Variants in SPECC1 observed in about 807,000 individuals in gnomAD.
The protein encoded by SPECC1 is cytospin-B.
Under a neutral mutation model 104.1 loss-of-function variants are expected in SPECC1, and 62 were observed. The ratio of observed to expected loss-of-function variants is 0.60; its 90% CI spans 0.49 to 0.74. The LOEUF is 0.74. Ranked by LOEUF, SPECC1 falls within the 30% of genes least tolerant of loss-of-function variation. The pLI is 0.00. For missense variants in SPECC1, 1,306 were observed against 1,310.5 expected, an observed-to-expected ratio of 1.00 and a Z score of 0.05; for synonymous variants, 513 against 501.6, an observed-to-expected ratio of 1.02 and a Z score of -0.30.
At chr17:20,035,857 G>C (rs1346109590) in intron 1 of SPECC1, among the ~76,000 whole-genome samples, 1 of 151,884 alleles carries the variant, frequency 6.6e-6, no homozygotes, top group East Asian at 1.9e-4. Context: ...TTTTGAGACG[G>C]AGTCTCGTTC....
rs530963146 is a variant in SPECC1 at position 20,312,422 on chromosome 17, G to A, written c.3118-1554G>A. Among the ~76,000 whole-genome samples, 4 of 152,306 alleles carry A rather than the reference G, an allele frequency of 2.6e-5. No individual in the cohort carries two copies. The South Asian group carries it at 6.2e-4, about 24-fold the overall frequency. ...GAAGTTCAAGCATGTAAGATTGTCTGCTCAAAACTGAATATTGATTGGACT... is the reference window on the plus strand; with the variant it reads ...GAAGTTCAAGCATGTAAGATTGTCTACTCAAAACTGAATATTGATTGGACT... On this transcript the variant is annotated intron_variant, in intron 14 of 14. Transcript: ENST00000395527.
intron 3 of SPECC1, among the ~76,000 whole-genome samples, chr17:20,115,030 A>G (rs2152528691): frequency 6.6e-6 from 1 of 152,362 alleles, no homozygotes; most frequent in East Asian, 1.9e-4. Flanking sequence ...CTCTGTAGAA[A>G]TAACCTAAAA....
intron 13 of SPECC1, among the ~76,000 whole-genome samples, chr17:20,301,911 G>A (rs1484172468): frequency 6.6e-6 from 1 of 152,152 alleles, no homozygotes; most frequent in Non-Finnish European, 1.5e-5. Flanking sequence ...TCATCATGTT[G>A]GTCAGGCTGG....
At chr17:20,283,985 A>G (rs938214245) in intron 12 of SPECC1, among the ~76,000 whole-genome samples, 1 of 152,224 alleles carries the variant, frequency 6.6e-6, no homozygotes, top group Non-Finnish European at 1.5e-5. Context: ...TCTTTAAGTC[A>G]GATTTCTTAA....
intron 3 of SPECC1, chr17:20,156,314 G>C: frequency 7.7e-7 from 1 of 1,295,788 alleles, no homozygotes; most frequent in Middle Eastern, 2.9e-4. Context: ...ACCGCCTCCG[G>C]CTCGCGGCGC....
At chr17:20,223,051 ATTGTAC>A (rs2037984279) in intron 4 of SPECC1, among the ~76,000 whole-genome samples, 1 of 151,992 alleles carries the variant, frequency 6.6e-6, no homozygotes, top group Non-Finnish European at 1.5e-5. Flanking sequence ...TCTATAACCT[ATTGTAC>A]TTGAGTATTA....
At chr17:20,031,900 C>G (rs910618539) in intron 1 of SPECC1, among the ~76,000 whole-genome samples, 8 of 152,090 alleles carry the variant, frequency 5.3e-5, no homozygotes, top group Non-Finnish European at 1.5e-5. Context: ...ATTTATTTGT[C>G]GATGGACCCT....
At chr17:20,263,674 A>T (rs2040113055) in intron 12 of SPECC1, among the ~76,000 whole-genome samples, 1 of 152,240 alleles carries the variant, frequency 6.6e-6, no homozygotes, top group African/African-American at 2.4e-5. Flanking sequence ...AAGAGCTGTC[A>T]TTCAAGAATG....
At chr17:20,253,455 A>G (rs772306032) in intron 9 of SPECC1, 50 bp from the exon 10 acceptor site, 9 of 1,577,420 alleles carry the variant, frequency 5.7e-6, no homozygotes, top group African/African-American at 1.3e-5. Flanking sequence ...TGTTTGTGCT[A>G]TTCTTGATGT....
At chr17:20,097,242 C>T (rs887405728) in intron 2 of SPECC1, among the ~76,000 whole-genome samples, 1 of 152,166 alleles carries the variant, frequency 6.6e-6, no homozygotes, top group Admixed American at 6.5e-5. Context: ...CTCCTCCCCC[C>T]ATCCCTTTGG....
At chr17:20,130,818 C>T (rs780625424) in intron 3 of SPECC1, among the ~76,000 whole-genome samples, 1 of 152,128 alleles carries the variant, frequency 6.6e-6, no homozygotes, top group African/African-American at 2.4e-5. Context: ...GGGGAGAATT[C>T]ACATGTTTTT....
intron 3 of SPECC1, among the ~76,000 whole-genome samples, chr17:20,195,962 ACTGG>A (rs1339951420): frequency 6.6e-6 from 1 of 152,146 alleles, no homozygotes. Context: ...ATGTCCACAC[ACTGG>A]CTATTTTAAT....
chr17:20,155,977 G>T, intron 3 of SPECC1: 3 of 1,263,324 alleles, frequency 2.4e-6, no homozygotes, highest in Non-Finnish European at 3.0e-6. Context: ...GGCGGGCCGC[G>T]AGGGCGGGCT....
chr17:20,215,428 C>G (rs1028366342), intron 4 of SPECC1, among the ~76,000 whole-genome samples: 1 of 152,172 alleles, frequency 6.6e-6, no homozygotes, highest in Non-Finnish European at 1.5e-5. Context: ...GACAGACTTA[C>G]ACAAGAGGCA....
intron 3 of SPECC1, among the ~76,000 whole-genome samples, chr17:20,153,031 C>A (rs1389977083): frequency 6.6e-6 from 1 of 152,182 alleles, no homozygotes; most frequent in East Asian, 1.9e-4. Flanking sequence ...CTCATTTAAC[C>A]TTAATTACCT....
intron 2 of SPECC1, among the ~76,000 whole-genome samples, chr17:20,106,689 C>T (rs964520214): frequency 2.6e-5 from 4 of 152,136 alleles, no homozygotes; most frequent in Non-Finnish European, 5.9e-5. Flanking sequence ...TGACTTTGCT[C>T]CTCCTTTGCT....
At chr17:20,199,140 G>T (rs572575465) in intron 3 of SPECC1, among the ~76,000 whole-genome samples, 2 of 134,778 alleles carry the variant, frequency 1.5e-5, no homozygotes, top group East Asian at 4.7e-4. Flanking sequence ...AGGCTGGAGT[G>T]CAGTAGTCTG....
chr17:20,048,467 G>A lies in SPECC1; in HGVS notation c.-22+39043G>A, dbSNP rs1450743564. ...GTCTTGATTCTTGTCATCTTCCCTCGATTTTGTTCAGCAAATTCCTGTCTC... is the reference window on the plus strand; with the variant it reads ...GTCTTGATTCTTGTCATCTTCCCTCAATTTTGTTCAGCAAATTCCTGTCTC... On this transcript the variant is annotated intron_variant, in intron 1 of 14. Transcript: ENST00000395527. 5.3e-5 allele frequency among the ~76,000 whole-genome samples: 8 copies of A among 151,838 alleles called. No homozygotes were observed. In the South Asian group the frequency reaches 1.0e-3, roughly 20 times the overall value.
chr17:20,101,041 G>T (rs186096910), intron 2 of SPECC1, among the ~76,000 whole-genome samples: 2 of 152,184 alleles, frequency 1.3e-5, no homozygotes, highest in East Asian at 1.9e-4. Flanking sequence ...TATATGTGAC[G>T]CATTTTCTTT....
Sources: gnomAD v4.1 joint callset for allele counts (sites outside exome capture counted in the v4.1 genomes callset) on GRCh38, gnomAD v4.1.1 for gene constraint, MANE v1.5 for transcripts, NCBI Gene and HGNC (gene_info 2026-07-23, HGNC 2026-07-21) for gene names.